The following NRG1 variants were observed in gnomAD, a reference collection of about 807,000 sequenced individuals.
The protein encoded by NRG1 is pro-neuregulin-1, membrane-bound isoform.
In NRG1, 18 loss-of-function variants were observed where a neutral mutation model predicts 63.8. The observed-to-expected ratio is 0.28, with a 90% CI of 0.19 to 0.42. NRG1 has a LOEUF of 0.42. NRG1 is among the 10% of genes least tolerant of loss of function. The pLI is 1.00. For synonymous variants in NRG1, 302 were observed against 301.3 expected (o/e 1.00, Z -0.02); for missense variants, 762 against 814.7 (o/e 0.94, Z 0.79).
At chr8:32,380,652 G>A (rs1005812645) in intron 1 of NRG1, among the ~76,000 whole-genome samples, 3 of 152,150 alleles carry the variant, frequency 2.0e-5, no homozygotes, top group Non-Finnish European at 4.4e-5. Flanking sequence ...AGAACCTTAA[G>A]ACAGAAATCT....
chr8:31,821,388 G>T (rs1213328762), intron 1 of NRG1, among the ~76,000 whole-genome samples: 1 of 152,118 alleles, frequency 6.6e-6, no homozygotes, highest in Non-Finnish European at 1.5e-5. Context: ...CTGATGTCTG[G>T]AATAAGAGCC....
chr8:31,938,723 C>T (rs1801312672), intron 1 of NRG1, among the ~76,000 whole-genome samples: 1 of 152,066 alleles, frequency 6.6e-6, no homozygotes, highest in Non-Finnish European at 1.5e-5. Context: ...AAAACAATTG[C>T]AACTTCTGGA....
At chr8:32,497,168 C>T (rs927169215) in intron 1 of NRG1, among the ~76,000 whole-genome samples, 4 of 152,014 alleles carry the variant, frequency 2.6e-5, no homozygotes, top group Admixed American at 6.6e-5. Flanking sequence ...AAATTTCGCC[C>T]AGGCACGGTG....
chr8:32,580,762 T>C (rs1840491776), intron 1 of NRG1, among the ~76,000 whole-genome samples: 2 of 152,290 alleles, frequency 1.3e-5, no homozygotes, highest in South Asian at 4.1e-4. Context: ...GTACTGAGAA[T>C]ATAATATCTT....
In NRG1 at chr8:31,640,349, C is replaced by T; in HGVS notation, c.37+918C>T. 8.3e-7 allele frequency: 1 copy of T among 1,209,646 alleles called. No homozygotes were observed. Among genetic ancestry groups the T allele is most frequent in the Non-Finnish European group, 1.0e-6 (1 of 974,770 alleles). 74.9% of individuals were successfully genotyped at this position (1,209,646 alleles called of 1,614,324 possible). ...GATCGCGAGCCGCCAGCCGCGGGCC[C>T]ACGGGCGCTGGGGCCGCCCGCCGAG... On this transcript the variant is annotated intron_variant, in intron 1 of 10. Transcript: ENST00000519301. The surrounding 1 kb of genome is among the most constrained non-coding windows in gnomAD (Gnocchi z 6.3).
At chr8:32,340,126 C>G (rs1650234314) in intron 1 of NRG1, among the ~76,000 whole-genome samples, 1 of 152,076 alleles carries the variant, frequency 6.6e-6, no homozygotes, top group South Asian at 2.1e-4. Flanking sequence ...TGCACAATGT[C>G]AAGAGATTAA....
chr8:32,165,023 AC>A (rs1839252459), intron 1 of NRG1, among the ~76,000 whole-genome samples: 1 of 151,420 alleles, frequency 6.6e-6, no homozygotes, highest in South Asian at 2.1e-4. Context: ...CCTCTCCCCC[AC>A]CCCCCAACAC....
intron 1 of NRG1, among the ~76,000 whole-genome samples, chr8:31,813,624 T>A (rs900258160): frequency 6.6e-6 from 1 of 150,656 alleles, no homozygotes; most frequent in African/African-American, 2.4e-5. Flanking sequence ...TGGGATCAAG[T>A]GACTCCCCTG....
intron 1 of NRG1, among the ~76,000 whole-genome samples, chr8:32,075,276 A>T (rs1198183866): frequency 7.0e-6 from 1 of 143,522 alleles, no homozygotes; most frequent in East Asian, 2.1e-4. Context: ...TTATACCCTA[A>T]CAAGGAAGTT....
intron 1 of NRG1, among the ~76,000 whole-genome samples, chr8:32,089,336 C>G (rs1828754651): frequency 6.6e-6 from 1 of 152,212 alleles, no homozygotes; most frequent in Non-Finnish European, 1.5e-5. Context: ...GTTACCCACA[C>G]TTAGTCAACA....
intron 1 of NRG1, among the ~76,000 whole-genome samples, chr8:32,523,787 T>G (rs1177083558): frequency 6.6e-6 from 1 of 151,610 alleles, no homozygotes; most frequent in Non-Finnish European, 1.5e-5. Context: ...GAGGCAGAAG[T>G]GAGCGAGATC....
At chr8:31,867,567 A>G (rs1448780733) in intron 1 of NRG1, among the ~76,000 whole-genome samples, 1 of 142,194 alleles carries the variant, frequency 7.0e-6, no homozygotes, top group Admixed American at 7.4e-5. Flanking sequence ...GGGTCTTGGT[A>G]TATAATTCCT....
intron 5 of NRG1, among the ~76,000 whole-genome samples, chr8:32,667,937 G>T (rs539598264): frequency 2.6e-4 from 39 of 152,264 alleles, no homozygotes; most frequent in African/African-American, 8.7e-4. Flanking sequence ...TTCTGGCCTG[G>T]CACGGTGACT....
chr8:32,033,994 G>C (rs1818660600), intron 1 of NRG1, among the ~76,000 whole-genome samples: 1 of 152,170 alleles, frequency 6.6e-6, no homozygotes, highest in South Asian at 2.1e-4. Flanking sequence ...ATGTTGAATA[G>C]GAGTGTTGAG....
intron 1 of NRG1, among the ~76,000 whole-genome samples, chr8:31,832,021 C>T (rs1001616117): frequency 2.0e-5 from 3 of 152,188 alleles, no homozygotes; most frequent in South Asian, 2.1e-4. Context: ...TCTGTACACA[C>T]CTGCCTTTGG....
chr8:32,134,825 T>A (rs1281861956), intron 1 of NRG1, among the ~76,000 whole-genome samples: 1 of 152,056 alleles, frequency 6.6e-6, no homozygotes, highest in Non-Finnish European at 1.5e-5. Context: ...CAGGATACAG[T>A]GAGCTATGAT....
At chr8:31,928,173 G>A (rs528798129) in intron 1 of NRG1, among the ~76,000 whole-genome samples, 1 of 151,732 alleles carries the variant, frequency 6.6e-6, no homozygotes, top group Admixed American at 6.6e-5. Flanking sequence ...CCAATGAAGA[G>A]GAATATCTGT....
intron 1 of NRG1, among the ~76,000 whole-genome samples, chr8:32,463,928 T>C (rs1384242520): frequency 8.3e-6 from 1 of 121,096 alleles, no homozygotes; most frequent in Non-Finnish European, 1.7e-5. Context: ...GAGGGTCTCA[T>C]TCTGTTGCCA....
chr8:32,568,938 G>A (rs1486082252), intron 1 of NRG1, among the ~76,000 whole-genome samples: 1 of 142,858 alleles, frequency 7.0e-6, no homozygotes, highest in Non-Finnish European at 1.5e-5. Context: ...CAAGAGCCAT[G>A]TGAAAATGAA....
Sources: allele counts gnomAD v4.1 joint callset (sites outside exome capture counted in the v4.1 genomes callset), GRCh38; gene constraint gnomAD v4.1.1; non-coding constraint Gnocchi (gnomAD v3.1); transcripts MANE v1.5; gene names NCBI Gene and HGNC (gene_info 2026-07-23, HGNC 2026-07-21).